The following PRKN variants were observed in gnomAD, a reference collection of about 807,000 sequenced individuals.
The protein encoded by PRKN is E3 ubiquitin-protein ligase parkin.
Under a neutral mutation model 59.5 loss-of-function variants are expected in PRKN, and 56 were observed. The ratio of observed to expected loss-of-function variants is 0.94; its 90% confidence interval spans 0.76 to 1.18. The LOEUF is 1.18. Ranked by LOEUF, PRKN falls within the 50% of genes most tolerant of loss-of-function variation. The probability of loss-of-function intolerance (pLI) is 0.00; values close to 1 mark genes in which losing one functional copy is unlikely to be tolerated. For missense variants in PRKN, 657 were observed against 596.4 expected (o/e 1.10, Z -1.06); for synonymous variants, 250 against 222.1 (o/e 1.13, Z -1.12).
At chr6:162,250,516 A>G (rs1366710329) in intron 3 of PRKN, among the ~76,000 whole-genome samples, 1 of 152,206 alleles carries the variant, frequency 6.6e-6, no homozygotes, top group African/African-American at 2.4e-5. Flanking sequence ...ACCATCCCCC[A>G]GATTCAATTA....
intron 3 of PRKN, among the ~76,000 whole-genome samples, chr6:162,231,984 T>C (rs1267601673): frequency 6.6e-6 from 1 of 152,150 alleles, no homozygotes. Context: ...ACCTGTCACC[T>C]AGAGATGGGG....
chr6:162,204,499 C>G (rs1317526336), intron 3 of PRKN, among the ~76,000 whole-genome samples: 1 of 152,156 alleles, frequency 6.6e-6, no homozygotes. Context: ...AGGATTCAAT[C>G]CACTTGTAGG....
chr6:161,801,885 C>T (rs1791098325), intron 6 of PRKN, among the ~76,000 whole-genome samples: 1 of 152,162 alleles, frequency 6.6e-6, no homozygotes, highest in African/African-American at 2.4e-5. Context: ...AATCTGCTTG[C>T]ATACAAGCAG....
At chr6:162,390,392 T>C (rs1164587474) in intron 2 of PRKN, among the ~76,000 whole-genome samples, 41 of 123,508 alleles carry the variant, frequency 3.3e-4, no homozygotes, top group African/African-American at 1.5e-3. Flanking sequence ...TATATATATA[T>C]ATATACACAC....
At chr6:161,916,792 TTTTC>T (rs1778575832) in intron 6 of PRKN, among the ~76,000 whole-genome samples, 1 of 152,022 alleles carries the variant, frequency 6.6e-6, no homozygotes, top group African/African-American at 2.4e-5. Flanking sequence ...TAATTTTAAT[TTTTC>T]TTTTTCTTTT....
intron 4 of PRKN, among the ~76,000 whole-genome samples, chr6:162,182,852 A>G (rs1401987812): frequency 6.6e-6 from 1 of 152,174 alleles, no homozygotes; most frequent in Non-Finnish European, 1.5e-5. Flanking sequence ...CTTAAATTTA[A>G]CCTTCAACTA....
rs1790307733 is a variant in PRKN at position 161,463,390 on chromosome 6, G to T, written c.1084-76513C>A. Among the ~76,000 whole-genome samples the T allele has an allele frequency of 1.3e-5, 2 of 152,176 alleles. No individual in the cohort carries two copies. Among genetic ancestry groups the T allele is most frequent in the African/African-American group, 4.8e-5 (2 of 41,432 alleles). On this transcript the variant is annotated intron_variant, in intron 9 of 11. Coordinates refer to ENST00000366898, the MANE Select transcript of PRKN (RefSeq NM_004562.3). The surrounding 1 kb of genome is among the most constrained non-coding windows in gnomAD (Gnocchi z 4.8). ...GGCTCTTGAATCATGTTTTCCAGAG[G>T]TCAACTGAGTCTAAGAAGACATTAA...
chr6:162,435,691 T>A (rs1789734109), intron 2 of PRKN, among the ~76,000 whole-genome samples: 1 of 152,172 alleles, frequency 6.6e-6, no homozygotes, highest in Non-Finnish European at 1.5e-5. Flanking sequence ...TTTGCCTAAA[T>A]AAAGGAGGCC....
At chr6:162,281,186 T>C (rs188586894) in intron 2 of PRKN, among the ~76,000 whole-genome samples, 2 of 151,794 alleles carry the variant, frequency 1.3e-5, no homozygotes, top group Middle Eastern at 3.2e-3. Context: ...AAACCCCGCA[T>C]GTTCTCACTC....
chr6:162,642,900 AT>A (rs1583967264), intron 1 of PRKN, among the ~76,000 whole-genome samples: 1 of 152,134 alleles, frequency 6.6e-6, no homozygotes, highest in African/African-American at 2.4e-5. Context: ...TAATTTAAAT[AT>A]GAATATTTAC....
chr6:162,113,398 A>G (rs1228506712), intron 4 of PRKN, among the ~76,000 whole-genome samples: 1 of 152,208 alleles, frequency 6.6e-6, no homozygotes, highest in East Asian at 1.9e-4. Flanking sequence ...ATGATCCAGG[A>G]TGCCATTTAT....
chr6:161,754,582 G>A (rs1461727053), intron 7 of PRKN, among the ~76,000 whole-genome samples: 3 of 152,056 alleles, frequency 2.0e-5, no homozygotes, highest in East Asian at 3.9e-4. Flanking sequence ...GGGTCCCTGC[G>A]GCCTCTCAGA....
chr6:161,913,971 C>T (rs952068461), intron 6 of PRKN, among the ~76,000 whole-genome samples: 2 of 152,154 alleles, frequency 1.3e-5, no homozygotes, highest in African/African-American at 4.8e-5. Flanking sequence ...TTCCAATCGG[C>T]TGGAGCCTTC....
rs1344200617 is a variant in PRKN at position 161,605,649 on chromosome 6, T to C, written c.872-36233A>G. On this transcript the variant is annotated intron_variant, in intron 7 of 11. Transcript: ENST00000366898. ...GCCTCAGCCTCCCAAGTAGCTGGGA[T>C]TACAGACACGTGCCACCACGCCCAG... Among the ~76,000 whole-genome samples the C allele has an allele frequency of 2.0e-5, 3 of 151,934 alleles. No homozygotes were observed. In the East Asian group the frequency reaches 5.8e-4, roughly 29 times the overall value.
At chr6:162,569,873 C>T in intron 1 of PRKN, 1 of 351,718 alleles carries the variant, frequency 2.8e-6, no homozygotes, top group Non-Finnish European at 5.4e-6. Flanking sequence ...GGGGAGTTTA[C>T]TGCCTGGGGA....
At chr6:161,723,609 A>G (rs1303141667) in intron 7 of PRKN, among the ~76,000 whole-genome samples, 1 of 152,204 alleles carries the variant, frequency 6.6e-6, no homozygotes, top group Non-Finnish European at 1.5e-5. Context: ...AAAGAAAGAC[A>G]GACACTTTCT....
intron 7 of PRKN, among the ~76,000 whole-genome samples, chr6:161,651,926 T>C (rs1363959923): frequency 6.6e-6 from 1 of 152,262 alleles, no homozygotes; most frequent in Admixed American, 6.5e-5. Context: ...CAGTCATCTG[T>C]GTTATACAGA....
intron 6 of PRKN, among the ~76,000 whole-genome samples, chr6:161,916,041 C>T (rs1214152163): frequency 6.6e-6 from 1 of 152,080 alleles, no homozygotes; most frequent in African/African-American, 2.4e-5. Context: ...GAAAAAAAAG[C>T]ATTATCCCTA....
intron 4 of PRKN, among the ~76,000 whole-genome samples, chr6:162,119,522 G>A (rs1780816861): frequency 6.6e-6 from 1 of 152,176 alleles, no homozygotes; most frequent in African/African-American, 2.4e-5. Flanking sequence ...TGCAGGAGAA[G>A]AGGCAAGGGA....
Sources: gnomAD v4.1 joint callset for allele counts (sites outside exome capture counted in the v4.1 genomes callset) on GRCh38, gnomAD v4.1.1 for gene constraint, Gnocchi (gnomAD v3.1) non-coding constraint, MANE v1.5 for transcripts, NCBI Gene and HGNC (gene_info 2026-07-23, HGNC 2026-07-21) for gene names.